Variants in ADPRHL1 observed in about 807,000 individuals in gnomAD.
The protein encoded by ADPRHL1 is inactive ADP-ribosyltransferase ARH2.
Under a neutral mutation model 44.1 loss-of-function variants are expected in ADPRHL1, and 43 were observed. The ratio of observed to expected loss-of-function variants is 0.98; its 90% CI spans 0.76 to 1.26. The LOEUF is 1.26. Among genes scored for constraint, ADPRHL1 ranks in the 50% most tolerant of loss-of-function variants. The pLI is 0.00. For missense variants in ADPRHL1, 2,022 were observed against 2,496.9 expected, an observed-to-expected ratio of 0.81 and a Z score of 4.05; for synonymous variants, 878 against 1,017.4, an observed-to-expected ratio of 0.86 and a Z score of 2.61.
At chr13:113,448,933 T>C (rs1374405832) in intron 1 of ADPRHL1, 16 of 985,276 alleles carry the variant, frequency 1.6e-5, no homozygotes, top group Non-Finnish European at 1.8e-5. Flanking sequence ...GCCAGCTGCA[T>C]ACCCGAGCAA....
rs750266856 is a variant in ADPRHL1 at position 113,453,276 on chromosome 13, G to A, written c.162C>T (p.Pro54=). Residue 54 remains proline (P), a synonymous_variant, in exon 1 of 8, where the codon CCC becomes CCT. Coordinates refer to ENST00000612156, the MANE Select transcript of ADPRHL1 (RefSeq NM_001394807.1). This position sits in a 1 kb window ranked among gnomAD's most constrained non-coding sequence, Gnocchi z 5.4. ...TGTGCATGATGGTGTTGTCACTCACGGGCCATTCTCCTGGCGAGAGTACGA... is the reference window on the plus strand; with the variant it reads ...TGTGCATGATGGTGTTGTCACTCACAGGCCATTCTCCTGGCGAGAGTACGA... ...DHLVLSPGEW[P]VSDNTIMHIA... 5.6e-6 allele frequency: 9 copies of A among 1,614,164 alleles called. No individual in the cohort carries two copies. Among genetic ancestry groups the A allele is most frequent in the South Asian group, 3.3e-5 (3 of 91,084 alleles).
Position 113,407,447 on chromosome 13 carries a change from G to T in ADPRHL1, c.1835C>A (p.Ala612Asp). The change falls in exon 8 of 8, where the codon GCC becomes GAC. Residue 612 changes from alanine to aspartate, a missense_variant. Physicochemically the swap from Ala to Asp is moderately radical, Grantham distance 126. Coordinates refer to ENST00000612156, the MANE Select transcript of ADPRHL1 (RefSeq NM_001394807.1). ...CVKMPPARFL[A>D]CTAEPLPALS... is the part of the protein sequence containing the mutation. The stretch of plus-strand genomic sequence containing the variant: ...GGCCGGCAGGGGCTCAGCCGTGCAG[G>T]CCAGAAAGCGGGCAGGGGGCATCTT... 2 of 1,232,012 alleles carry T rather than the reference G, an allele frequency of 1.6e-6. No individual in the cohort carries two copies. Among genetic ancestry groups the T allele is most frequent in the Non-Finnish European group, 1.0e-6 (1 of 988,018 alleles). The allele number at this position is 1,232,012 out of a possible 1,614,324, so 76.3% of individuals were successfully genotyped here. A position where few individuals can be genotyped will look rare whatever the true frequency, so the allele number is the denominator to read the frequency against.
intron 7 of ADPRHL1, among the ~76,000 whole-genome samples, chr13:113,416,597 T>C (rs1270351076): frequency 6.6e-6 from 1 of 152,164 alleles, no homozygotes; most frequent in Non-Finnish European, 1.5e-5. Context: ...ATCGGGTTAG[T>C]GAGCTTCTGT....
chr13:113,432,670 C>T (rs755313811), intron 3 of ADPRHL1, among the ~76,000 whole-genome samples: 2 of 152,182 alleles, frequency 1.3e-5, no homozygotes, highest in Admixed American at 6.5e-5. Flanking sequence ...GGGGGTGGGA[C>T]GGCCAGGCCG....
intron 4 of ADPRHL1, 92 bp downstream of exon 4, chr13:113,428,860 G>A (rs1050563360): frequency 1.2e-5 from 19 of 1,566,740 alleles, no homozygotes; most frequent in Admixed American, 5.2e-5. Flanking sequence ...ATCTAAGAGC[G>A]AAAGTGCCTT....
At chr13:113,430,707 GGTGGCACTAGTGGCGGGGGTGGCA>G (rs1351855776) in intron 3 of ADPRHL1, among the ~76,000 whole-genome samples, 113 of 151,172 alleles carry the variant, frequency 7.5e-4, no homozygotes, top group Non-Finnish European at 1.2e-3. Flanking sequence ...AAAAGGCGGG[GGTGGCACTAGTGGCGGGGGTGGCA>G]GTGGCACCAG....
chr13:113,411,072 A>G (rs964208983), intron 7 of ADPRHL1, among the ~76,000 whole-genome samples: 1 of 152,150 alleles, frequency 6.6e-6, no homozygotes, highest in Non-Finnish European at 1.5e-5. Context: ...CATTCTGATC[A>G]TCTGAATAAA....
At chr13:113,428,907 C>T in intron 4 of ADPRHL1, 45 bp downstream of exon 4, 3 of 1,609,184 alleles carry the variant, frequency 1.9e-6, no homozygotes, top group Non-Finnish European at 1.7e-6. Context: ...CTGGATCTGT[C>T]CAGATCTGCT....
At position 113,406,221 on chromosome 13, in the gene ADPRHL1, C is replaced by T. The variant is rs931858907; in HGVS notation, c.3061G>A (p.Ala1021Thr). Residue 1021 changes from alanine (A) to threonine (T), a missense_variant, in exon 8 of 8, where the codon GCC (alanine) becomes ACC (threonine). Around this residue, in one of 8 missense-constraint regions of ADPRHL1, gnomAD observed 1,221 missense variants for 1,517.8 expected, o/e 0.80. Coordinates refer to ENST00000612156, the MANE Select transcript of ADPRHL1 (RefSeq NM_001394807.1). ...QNLLRGNTSHASSSQQVPSPT... is the reference protein window; with the variant it reads ...QNLLRGNTSHTSSSQQVPSPT... ...GACGGCACTTGCTGGCTGCTGGAGG[C>T]ATGGCTGGTGTTTCCCCTCAGAAGG... 2.4e-5 allele frequency: 30 copies of T among 1,232,062 alleles called. No homozygotes were observed. In the East Asian group the frequency reaches 8.8e-4, roughly 36 times the overall value. 76.3% of individuals were successfully genotyped at this position (1,232,062 alleles called of 1,614,324 possible).
At position 113,403,699 on chromosome 13, in the gene ADPRHL1, G is replaced by C. The variant is rs1163476424; in HGVS notation, c.5583C>G (p.Tyr1861Ter). ...GSGLGEPSAGYPPPGSRPLRG... is the reference protein window; with the variant it reads ...GSGLGEPSAG ...TGAGGGGGCGGCTTCCTGGGGGTGG[G>C]TACCCGGCGCTGGGCTCCCCCAGGC... The change falls in exon 8 of 8, where the codon TAC becomes TAG. Residue 1861 changes from tyrosine to a stop codon, truncating the protein, a stop_gained. Transcript: ENST00000612156. LOFTEE classifies it low-confidence loss of function (END_TRUNC). 6 of 1,231,852 alleles carry C rather than the reference G, an allele frequency of 4.9e-6. No homozygotes were observed. The highest frequency in any genetic ancestry group is 6.1e-6 in the Non-Finnish European group (6 of 988,240). The allele number at this position is 1,231,852 out of a possible 1,614,324, so 76.3% of individuals were successfully genotyped here.
At position 113,400,457 on chromosome 13, in the gene ADPRHL1, C is replaced by CTTTT. The variant is rs565978475; in HGVS notation, c.*2917_*2920dup. ...CCGTGCCCGGCCACTTTCTTTCTTTCTTTTTTTTTTTTTTTAAAAAAACAA... is the reference window on the plus strand; with the variant it reads ...CCGTGCCCGGCCACTTTCTTTCTTTCTTTTTTTTTTTTTTTTTTTAAAAAAACAA... On this transcript the variant is annotated 3_prime_UTR_variant, in exon 8 of 8. Transcript: ENST00000612156. 1 of 127,758 alleles carries CTTTT rather than the reference C, an allele frequency of 7.8e-6. No homozygotes were observed. The highest frequency in any genetic ancestry group is 1.6e-5 in the Non-Finnish European group (1 of 60,790). The allele number at this position is 127,758 out of a possible 1,614,324, so 7.9% of individuals were successfully genotyped here. A position where few individuals can be genotyped will look rare whatever the true frequency, so the allele number is the denominator to read the frequency against.
chr13:113,439,564 C>T (rs183144831), intron 2 of ADPRHL1, among the ~76,000 whole-genome samples: 138 of 151,976 alleles, frequency 9.1e-4, no homozygotes, highest in African/African-American at 2.9e-3. Context: ...TCTCCTGCTT[C>T]GGCCTCCTGA....
intron 1 of ADPRHL1, chr13:113,449,404 G>T (rs2139654852): frequency 4.9e-6 from 1 of 202,824 alleles, no homozygotes; most frequent in African/African-American, 2.4e-5. Flanking sequence ...CACCCGGAAG[G>T]AGGCAGCCCT....
Position 113,405,268 on chromosome 13 carries a change from T to C in ADPRHL1, c.4014A>G (p.Leu1338=), listed in dbSNP as rs1038313286. 9.7e-6 allele frequency: 12 copies of C among 1,231,910 alleles called. No individual in the cohort carries two copies. The highest frequency in any genetic ancestry group is 1.1e-5 in the Non-Finnish European group (11 of 988,126). 76.3% of individuals were successfully genotyped at this position (1,231,910 alleles called of 1,614,324 possible). A position where few individuals can be genotyped will look rare whatever the true frequency, so the allele number is the denominator to read the frequency against. ...GGTHQRGPPH[L]QAHLPPTAGD... is the part of the protein sequence containing the mutation. ...CAGCAGTAGGGGGCAGGTGTGCCTGTAGATGGGGAGGGCCCCGCTGGTGGG... is the reference window on the plus strand; with the variant it reads ...CAGCAGTAGGGGGCAGGTGTGCCTGCAGATGGGGAGGGCCCCGCTGGTGGG... The change falls in exon 8 of 8, where the codon CTA becomes CTG. Residue 1338 remains leucine (L), a synonymous_variant. Coordinates refer to ENST00000612156, the MANE Select transcript of ADPRHL1 (RefSeq NM_001394807.1).
In ADPRHL1 at chr13:113,405,621, G is replaced by C; in HGVS notation, c.3661C>G (p.His1221Asp). The change falls in exon 8 of 8, where the codon CAC becomes GAC. Residue 1221 changes from histidine (H) to aspartate (D), a missense_variant. By Grantham distance (81) the His-to-Asp change is moderately conservative (BLOSUM62 -1). Transcript: ENST00000612156. The stretch of plus-strand genomic sequence containing the variant: ...ATGTATAATCGGGCCGCCTCTGGGT[G>C]CCGGGCGAGGGCCGCAGCATCCTCC... ...HPEDAAALAR[H>D]PEAARLYISN... 1.5e-5 allele frequency: 19 copies of C among 1,232,772 alleles called. No homozygotes were observed. Among genetic ancestry groups the C allele is most frequent in the Non-Finnish European group, 1.9e-5 (19 of 988,804 alleles). 76.4% of individuals were successfully genotyped at this position (1,232,772 alleles called of 1,614,324 possible).
chr13:113,409,271 C>T lies in ADPRHL1; in HGVS notation c.1062-1051G>A. 3.0e-6 allele frequency: 3 copies of T among 984,938 alleles called. No homozygotes were observed. Among genetic ancestry groups the T allele is most frequent in the Non-Finnish European group, 2.4e-6 (2 of 829,526 alleles). 61.0% of individuals were successfully genotyped at this position (984,938 alleles called of 1,614,324 possible). ...CAGGAGCAAAGCTGGAAGGTCTCCCCATCTGTGGCAGGGGGTGGAGCCGTC... is the reference window on the plus strand; with the variant it reads ...CAGGAGCAAAGCTGGAAGGTCTCCCTATCTGTGGCAGGGGGTGGAGCCGTC... On this transcript the variant is annotated intron_variant, in intron 7 of 7. Transcript: ENST00000612156. The surrounding 1 kb of genome is among the most constrained non-coding windows in gnomAD (Gnocchi z 4.2).
At chr13:113,446,331 A>C (rs1056233792) in intron 1 of ADPRHL1, among the ~76,000 whole-genome samples, 3 of 151,646 alleles carry the variant, frequency 2.0e-5, no homozygotes, top group Non-Finnish European at 4.4e-5. Flanking sequence ...TGAACCCCCC[A>C]GAGAGAGAGG....
intron 7 of ADPRHL1, among the ~76,000 whole-genome samples, chr13:113,415,770 A>AAAAAAAAAAAAAAAAAAG (rs1555325970): frequency 7.5e-6 from 1 of 132,850 alleles, no homozygotes; most frequent in African/African-American, 3.1e-5. Context: ...AAAAAAAAAA[A>AAAAAAAAAAAAAAAAAAG]AGAGAGAGAG....
chr13:113,436,160 G>A (rs2044053800), intron 2 of ADPRHL1, among the ~76,000 whole-genome samples: 1 of 150,956 alleles, frequency 6.6e-6, no homozygotes, highest in Non-Finnish European at 1.5e-5. Flanking sequence ...GCACCCAGGC[G>A]CAGGGTGAAC....
Sources: allele counts gnomAD v4.1 joint callset (sites outside exome capture counted in the v4.1 genomes callset), GRCh38; gene constraint gnomAD v4.1.1; regional missense constraint gnomAD v4.1.1; non-coding constraint Gnocchi (gnomAD v3.1); transcripts MANE v1.5; gene names NCBI Gene and HGNC (gene_info 2026-07-23, HGNC 2026-07-21).